UNC13C: variants seen among roughly 807,000 people sequenced by gnomAD.
UNC13C encodes unc-13 homolog C.
Under a neutral mutation model 245.4 loss-of-function variants are expected in UNC13C, and 174 were observed. The ratio of observed to expected loss-of-function variants is 0.71; its 90% CI spans 0.63 to 0.80. The LOEUF (loss-of-function observed/expected upper bound fraction) is 0.80, where lower values mean the gene tolerates loss of function less well. Ranked by LOEUF, UNC13C falls within the 30% of genes least tolerant of loss-of-function variation. The pLI, the probability that UNC13C is intolerant of heterozygous loss-of-function variation, is 0.00. For synonymous variants in UNC13C, 992 were observed against 895.1 expected, an observed-to-expected ratio of 1.11 and a Z score of -1.93; for missense variants, 2,829 against 2,602.9, an observed-to-expected ratio of 1.09 and a Z score of -1.89.
intron 2 of UNC13C, among the ~76,000 whole-genome samples, chr15:54,031,414 G>A (rs1278730229): frequency 1.3e-5 from 2 of 152,262 alleles, no homozygotes; most frequent in South Asian, 2.1e-4. Context: ...TAGTAGAGAC[G>A]GGGTTTCACT....
chr15:54,555,544 A>G (rs371304494), intron 29 of UNC13C, 32 bp downstream of exon 29: 59 of 1,541,936 alleles, frequency 3.8e-5, no homozygotes, highest in South Asian at 2.3e-4. Context: ...ATATACATCG[A>G]GAGAGGCCCC....
At chr15:54,048,450 G>C in intron 2 of UNC13C, 2 of 604,630 alleles carry the variant, frequency 3.3e-6, no homozygotes, top group Non-Finnish European at 6.4e-6. Flanking sequence ...GATCTGGATT[G>C]CTTGATAATG....
upstream of UNC13C, among the ~76,000 whole-genome samples, chr15:53,974,269 G>A (rs1323899291): frequency 6.6e-6 from 1 of 152,154 alleles, no homozygotes; most frequent in African/African-American, 2.4e-5. Context: ...GAGACAGCTG[G>A]TGAGAACTAA....
chr15:54,629,698 C>G (rs1032535327), downstream of UNC13C: 3 of 152,222 alleles, frequency 2.0e-5, no homozygotes, highest in South Asian at 4.1e-4. Context: ...GACTTAAGCT[C>G]TTTAGGAGCA....
intron 30 of UNC13C, among the ~76,000 whole-genome samples, chr15:54,571,348 A>T (rs1440288252): frequency 6.6e-6 from 1 of 152,088 alleles, no homozygotes; most frequent in Non-Finnish European, 1.5e-5. Context: ...AAACCATCAG[A>T]TCTCATGAGA....
chr15:54,310,378 G>C (rs2037837420), intron 13 of UNC13C, among the ~76,000 whole-genome samples: 1 of 151,880 alleles, frequency 6.6e-6, no homozygotes, highest in South Asian at 2.1e-4. Flanking sequence ...CCCATTAGCT[G>C]AAAGCTCTGC....
At chr15:54,557,862 G>T (rs1047635279) in intron 29 of UNC13C, among the ~76,000 whole-genome samples, 1 of 152,060 alleles carries the variant, frequency 6.6e-6, no homozygotes, top group African/African-American at 2.4e-5. Context: ...CTGGGTGTTA[G>T]ATAGGTCAAG....
At chr15:54,327,304 T>G (rs544187799) in intron 14 of UNC13C, among the ~76,000 whole-genome samples, 1 of 152,132 alleles carries the variant, frequency 6.6e-6, no homozygotes, top group Admixed American at 6.5e-5. Flanking sequence ...CTGACCAACC[T>G]CTATAATATT....
At chr15:54,571,293 A>G (rs1326646976) in intron 30 of UNC13C, among the ~76,000 whole-genome samples, 1 of 152,218 alleles carries the variant, frequency 6.6e-6, no homozygotes, top group Non-Finnish European at 1.5e-5. Context: ...CATGTCTTAC[A>G]TGGTGGCAGG....
chr15:53,866,616 G>A, the UNC13C span, among the ~76,000 whole-genome samples: 12 of 152,134 alleles, frequency 7.9e-5, no homozygotes, highest in African/African-American at 2.4e-4. Flanking sequence ...CCCCTGACCC[G>A]CAGGCACCAG....
intron 13 of UNC13C, among the ~76,000 whole-genome samples, chr15:54,303,832 AG>A (rs1293910552): frequency 6.6e-6 from 1 of 152,100 alleles, no homozygotes; most frequent in Non-Finnish European, 1.5e-5. Flanking sequence ...GTCAACTCAC[AG>A]CAAGGAGGGG....
intron 19 of UNC13C, among the ~76,000 whole-genome samples, chr15:54,485,957 T>G (rs573706719): frequency 1.3e-5 from 2 of 152,272 alleles, no homozygotes; most frequent in African/African-American, 4.8e-5. Context: ...TTCCTCCCCT[T>G]ACATTACATT....
At chr15:53,935,729 C>T in the UNC13C span, among the ~76,000 whole-genome samples, 1 of 152,286 alleles carries the variant, frequency 6.6e-6, no homozygotes, top group Non-Finnish European at 1.5e-5. Flanking sequence ...AGAAGAGCCC[C>T]CACCCTCAGC....
intron 2 of UNC13C, among the ~76,000 whole-genome samples, chr15:54,136,760 T>C (rs1456944279): frequency 6.6e-6 from 1 of 152,166 alleles, no homozygotes; most frequent in African/African-American, 2.4e-5. Context: ...CATGAAAAGA[T>C]GTTGAATTTT....
At chr15:54,004,791 C>T (rs973796280) in intron 1 of UNC13C, among the ~76,000 whole-genome samples, 22 of 152,074 alleles carry the variant, frequency 1.4e-4, no homozygotes, top group East Asian at 7.7e-4. Flanking sequence ...GCCCATTTTC[C>T]GTTTGTATAT....
At chr15:54,611,645 G>A (rs1460992909) in intron 30 of UNC13C, 1 of 150,488 alleles carries the variant, frequency 6.6e-6, no homozygotes, top group East Asian at 1.9e-4. Context: ...CGCTATGATT[G>A]TAAGTAAGTA....
chr15:54,302,494 C>T (rs1424622747), intron 13 of UNC13C, among the ~76,000 whole-genome samples: 2 of 152,164 alleles, frequency 1.3e-5, no homozygotes, highest in East Asian at 3.9e-4. Context: ...GATCCAGTTT[C>T]AGCTTTCTGC....
intron 4 of UNC13C, among the ~76,000 whole-genome samples, chr15:54,172,295 G>T (rs1184913943): frequency 1.3e-5 from 2 of 151,880 alleles, no homozygotes; most frequent in Non-Finnish European, 2.9e-5. Flanking sequence ...CATTCTTCAG[G>T]TGAAGGATAC....
chr15:54,376,652 G>C (rs1005074422), intron 17 of UNC13C, among the ~76,000 whole-genome samples: 43 of 152,306 alleles, frequency 2.8e-4, no homozygotes, highest in African/African-American at 1.0e-3. Context: ...TCCCAGGAAA[G>C]AGAAGCTGAA....
Sources: allele counts gnomAD v4.1 joint callset (sites outside exome capture counted in the v4.1 genomes callset), GRCh38; gene constraint gnomAD v4.1.1; transcripts MANE v1.5; gene names NCBI Gene and HGNC (gene_info 2026-07-23, HGNC 2026-07-21).